Variants in NALF1 observed in about 807,000 individuals in gnomAD.
NALF1 encodes NALCN channel auxiliary factor 1.
NALF1 carries 3 observed loss-of-function variants against 48.4 expected under a neutral mutation model. The observed-to-expected ratio is 0.06, with a 90% CI of 0.03 to 0.16. NALF1 has a LOEUF of 0.16. Ranked by LOEUF, NALF1 falls within the 10% of genes least tolerant of loss-of-function variation. The probability of loss-of-function intolerance (pLI) is 1.00; values close to 1 mark genes in which losing one functional copy is unlikely to be tolerated. For synonymous variants in NALF1, 262 were observed against 245.7 expected, an observed-to-expected ratio of 1.07 and a Z score of -0.62; for missense variants, 526 against 571.5, an observed-to-expected ratio of 0.92 and a Z score of 0.81.
chr13:107,861,653 G>A (rs1014673724), intron 1 of NALF1, among the ~76,000 whole-genome samples: 8 of 152,008 alleles, frequency 5.3e-5, no homozygotes, highest in Non-Finnish European at 7.3e-5. Flanking sequence ...GCGTGGTGGC[G>A]CGCACCTGTA....
At chr13:107,719,654 C>G (rs150998507) in intron 1 of NALF1, among the ~76,000 whole-genome samples, 2 of 152,206 alleles carry the variant, frequency 1.3e-5, no homozygotes, top group African/African-American at 4.8e-5. Context: ...AATCACTGTG[C>G]CTGTCCTCTG....
intron 1 of NALF1, among the ~76,000 whole-genome samples, chr13:107,476,120 A>C (rs1184824637): frequency 6.6e-6 from 1 of 152,180 alleles, no homozygotes; most frequent in Non-Finnish European, 1.5e-5. Flanking sequence ...GAAAGGTATA[A>C]TATTTTAGAA....
At chr13:107,446,652 A>G (rs1455333133) in intron 1 of NALF1, among the ~76,000 whole-genome samples, 1 of 152,194 alleles carries the variant, frequency 6.6e-6, no homozygotes, top group Non-Finnish European at 1.5e-5. Flanking sequence ...AATATTATTT[A>G]TAGTGGTGAC....
At chr13:107,821,309 A>G (rs575497403) in intron 1 of NALF1, among the ~76,000 whole-genome samples, 1 of 152,360 alleles carries the variant, frequency 6.6e-6, no homozygotes, top group South Asian at 2.1e-4. Flanking sequence ...ATGCACGTAC[A>G]GCGACTTAGC....
At chr13:107,170,962 G>A (rs1878791101) in intron 2 of NALF1, among the ~76,000 whole-genome samples, 176 bp from the exon 3 acceptor site, 1 of 152,218 alleles carries the variant, frequency 6.6e-6, no homozygotes, top group Admixed American at 6.5e-5. Context: ...TCTCAAACCA[G>A]TATTGTTAGA....
chr13:107,866,346 T>C lies in NALF1; in HGVS notation c.251A>G (p.Gln84Arg). 6.2e-7 allele frequency: 1 copy of C among 1,607,500 alleles called. No individual in the cohort carries two copies. The highest frequency in any genetic ancestry group is 1.3e-5 in the African/African-American group (1 of 74,876). Residue 84 changes from glutamine (Q) to arginine (R), a missense_variant, in exon 1 of 3, where the codon CAG becomes CGG. Gln to Arg is a conservative substitution (Grantham distance 43). This residue lies in a region of NALF1 where 373 missense variants were observed against 355.5 expected (regional missense o/e 1.05). Transcript: ENST00000375915. This position sits in a 1 kb window ranked among gnomAD's most constrained non-coding sequence, Gnocchi z 4.4. ...CTGCTGCTGCCGCTGCCTCTGCTGC[T>C]GCTGCTGCTGCTGCTGCTGCCGCTG... is the stretch of plus-strand genomic sequence containing the variant. ...QQQRQQQQQQ[Q>R]QQRQRQQQQQ...
chr13:107,384,737 G>A (rs1222628709), intron 1 of NALF1, among the ~76,000 whole-genome samples: 2 of 152,126 alleles, frequency 1.3e-5, no homozygotes, highest in Non-Finnish European at 2.9e-5. Context: ...AACAAAAGAA[G>A]GTGAACCATG....
intron 1 of NALF1, among the ~76,000 whole-genome samples, chr13:107,453,101 G>C (rs555200327): frequency 6.6e-6 from 1 of 152,146 alleles, no homozygotes; most frequent in Non-Finnish European, 1.5e-5. Flanking sequence ...GAGTGTCTGC[G>C]GCTTTTCCAG....
In NALF1 at chr13:107,174,523, T is replaced by G. The variant is rs192426124; in HGVS notation, c.1088-3737A>C. On this transcript the variant is annotated intron_variant, in intron 2 of 2. Transcript: ENST00000375915. ...GGCTCCCGCCAACACACCTGGCTAATTTTTTGTATTTTTAGTAGAGACAGG... is the reference window on the plus strand; with the variant it reads ...GGCTCCCGCCAACACACCTGGCTAAGTTTTTGTATTTTTAGTAGAGACAGG... Among the ~76,000 whole-genome samples, 1,144 of 151,698 alleles carry G rather than the reference T, an allele frequency of 7.5e-3. 9 individuals carry two copies. The highest frequency in any genetic ancestry group is 0.027 in the African/African-American group (1,102 of 41,360).
At chr13:107,745,260 C>T (rs1384914321) in intron 1 of NALF1, among the ~76,000 whole-genome samples, 1 of 152,024 alleles carries the variant, frequency 6.6e-6, no homozygotes, top group Non-Finnish European at 1.5e-5. Flanking sequence ...GAAGGTTGAC[C>T]CTATTACAGA....
intron 1 of NALF1, among the ~76,000 whole-genome samples, chr13:107,231,381 T>C (rs1277856914): frequency 6.6e-6 from 1 of 152,222 alleles, no homozygotes; most frequent in Admixed American, 6.5e-5. Flanking sequence ...TATAATTTAT[T>C]GGACAGTGGA....
At chr13:107,750,228 C>A (rs1051917148) in intron 1 of NALF1, among the ~76,000 whole-genome samples, 7 of 152,168 alleles carry the variant, frequency 4.6e-5, no homozygotes, top group African/African-American at 1.4e-4. Context: ...AGTGTGTCCC[C>A]TGCACCTCTG....
At chr13:107,498,423 T>C (rs1055913909) in intron 1 of NALF1, among the ~76,000 whole-genome samples, 2 of 152,304 alleles carry the variant, frequency 1.3e-5, no homozygotes, top group Admixed American at 6.5e-5. Flanking sequence ...TGCTTTCCTG[T>C]CATTGTTAAA....
chr13:107,256,738 C>G (rs775924427), intron 1 of NALF1, among the ~76,000 whole-genome samples: 2 of 152,100 alleles, frequency 1.3e-5, no homozygotes, highest in Non-Finnish European at 2.9e-5. Flanking sequence ...GTTGCAACTA[C>G]GGTTTGACTA....
chr13:107,310,334 C>T (rs922123519), intron 1 of NALF1, among the ~76,000 whole-genome samples: 1 of 150,498 alleles, frequency 6.6e-6, no homozygotes, highest in East Asian at 2.0e-4. Flanking sequence ...CACTTGAACT[C>T]GGCAAGCAGA....
At chr13:107,417,659 T>TCTTC (rs1489644134) in intron 1 of NALF1, among the ~76,000 whole-genome samples, 1 of 152,162 alleles carries the variant, frequency 6.6e-6, no homozygotes, top group African/African-American at 2.4e-5. Flanking sequence ...CCAGTCCTTG[T>TCTTC]CTTCCTTCCT....
chr13:107,851,805 C>CATTTT (rs1555329721), intron 1 of NALF1, among the ~76,000 whole-genome samples: 18 of 104,734 alleles, frequency 1.7e-4, no homozygotes, highest in South Asian at 3.5e-4. Flanking sequence ...CAGGCCCTTT[C>CATTTT]TTTTTTTTTT....
intron 1 of NALF1, among the ~76,000 whole-genome samples, chr13:107,609,761 CAT>C (rs1311106130): frequency 6.6e-6 from 1 of 152,118 alleles, no homozygotes; most frequent in Admixed American, 6.6e-5. Flanking sequence ...CAAAGAATAT[CAT>C]AGATTCAAAA....
intron 1 of NALF1, among the ~76,000 whole-genome samples, chr13:107,310,143 C>T (rs1882016569): frequency 6.6e-6 from 1 of 152,112 alleles, no homozygotes; most frequent in African/African-American, 2.4e-5. Flanking sequence ...GGTGTGGTGG[C>T]TCACGCCTGT....
Sources: gnomAD v4.1 joint callset for allele counts (sites outside exome capture counted in the v4.1 genomes callset) on GRCh38, gnomAD v4.1.1 for gene constraint, gnomAD v4.1.1 regional missense constraint, Gnocchi (gnomAD v3.1) non-coding constraint, MANE v1.5 for transcripts, NCBI Gene and HGNC (gene_info 2026-07-23, HGNC 2026-07-21) for gene names.